Variants in FRMPD2 observed in about 807,000 individuals in gnomAD.
FRMPD2 encodes FERM and PDZ domain-containing protein 2.
A neutral mutation model predicts 140.1 loss-of-function variants in FRMPD2; 96 were observed. The ratio of observed to expected loss-of-function variants is 0.69; its 90% CI spans 0.58 to 0.81. FRMPD2 has a LOEUF of 0.81. Ranked by LOEUF, FRMPD2 falls within the 40% of genes least tolerant of loss-of-function variation. The pLI, the probability that FRMPD2 is intolerant of heterozygous loss-of-function variation, is 0.00. For missense variants in FRMPD2, 1,240 were observed against 1,447.4 expected (o/e 0.86, Z 2.32); for synonymous variants, 449 against 547.6 (o/e 0.82, Z 2.52).
chr10:48,238,989 C>CCTCTTTCT (rs1479892780), intron 7 of FRMPD2, among the ~76,000 whole-genome samples: 1 of 152,164 alleles, frequency 6.6e-6, no homozygotes, highest in Non-Finnish European at 1.5e-5. Context: ...TCCTCTCTCT[C>CCTCTTTCT]CTCTTTCTCT....
intron 9 of FRMPD2, among the ~76,000 whole-genome samples, chr10:48,233,427 A>G (rs1056245168): frequency 6.6e-6 from 1 of 152,190 alleles, no homozygotes; most frequent in Non-Finnish European, 1.5e-5. Context: ...ATCAATATCT[A>G]GTAAAGCTTC....
intron 28 of FRMPD2, chr10:48,159,274 C>T (rs1254567410): frequency 2.2e-6 from 1 of 454,810 alleles, no homozygotes; most frequent in East Asian, 7.0e-5. Context: ...AACGGACTGC[C>T]AGATTTGAAG....
chr10:48,204,104 T>C (rs1462814744), intron 14 of FRMPD2, among the ~76,000 whole-genome samples: 1 of 152,206 alleles, frequency 6.6e-6, no homozygotes, highest in Non-Finnish European at 1.5e-5. Flanking sequence ...AAATTGACCA[T>C]GCCCTATAAT....
intron 9 of FRMPD2, among the ~76,000 whole-genome samples, chr10:48,232,609 T>C (rs944422910): frequency 1.3e-5 from 2 of 152,262 alleles, no homozygotes; most frequent in South Asian, 4.1e-4. Context: ...CAGCTCTCCC[T>C]TGGGCTCTGC....
chr10:48,184,898 T>C lies in FRMPD2; in HGVS notation c.2360-17A>G. The C allele has an allele frequency of 1.3e-6, 2 of 1,565,114 alleles. No homozygotes were observed. The highest frequency in any genetic ancestry group is 2.2e-5 in the East Asian group (1 of 44,578). On this transcript the variant is annotated splice_polypyrimidine_tract_variant and intron_variant, in intron 18 of 28. Coordinates refer to ENST00000374201, the MANE Select transcript of FRMPD2 (RefSeq NM_001018071.4). ...TGACAAACCCTGTAATCCAAGATGA[T>C]AGTCCATGATAAGATGATACTTAGT...
chr10:48,233,453 G>A (rs917711559), intron 9 of FRMPD2, among the ~76,000 whole-genome samples: 6 of 152,230 alleles, frequency 3.9e-5, no homozygotes, highest in East Asian at 1.9e-4. Context: ...GTGATTTTGC[G>A]AGAGCCAGGA....
At chr10:48,250,384 C>T (rs887125756) in intron 2 of FRMPD2, among the ~76,000 whole-genome samples, 7 of 152,190 alleles carry the variant, frequency 4.6e-5, no homozygotes, top group African/African-American at 1.7e-4. Flanking sequence ...TTAGGAGACC[C>T]ACTAGCATTT....
chr10:48,207,684 C>T (rs1165472463), intron 13 of FRMPD2, among the ~76,000 whole-genome samples: 5 of 152,136 alleles, frequency 3.3e-5, no homozygotes, highest in Non-Finnish European at 7.4e-5. Context: ...AGGAAGACGC[C>T]AGTCCCCATC....
At chr10:48,242,402 T>C (rs1463961218) in intron 4 of FRMPD2, 50 bp from the exon 5 acceptor site, 1 of 1,533,972 alleles carries the variant, frequency 6.5e-7, no homozygotes, top group South Asian at 1.2e-5. Context: ...GAGCTGCCAC[T>C]ACGAGGCCAG....
intron 1 of FRMPD2, among the ~76,000 whole-genome samples, chr10:48,272,745 T>C (rs555684700): frequency 1.1e-4 from 17 of 152,220 alleles, no homozygotes; most frequent in Non-Finnish European, 2.2e-4. Context: ...GCGTCCATAG[T>C]TGTTACATTG....
At position 48,192,665 on chromosome 10, in the gene FRMPD2, A is replaced by G. The variant is rs1166912703; in HGVS notation, c.2165+19T>C. 9 of 1,607,728 alleles carry G rather than the reference A, an allele frequency of 5.6e-6. No individual in the cohort carries two copies. The highest frequency in any genetic ancestry group is 7.7e-6 in the Non-Finnish European group (9 of 1,174,786). On this transcript the variant is annotated intron_variant, in intron 16 of 28. Transcript: ENST00000374201. ...GCACATGGTGGTTTGGGCCCAGAGA[A>G]CAAATGTGTCACACCCACCTGCGCC...
intron 3 of FRMPD2, among the ~76,000 whole-genome samples, chr10:48,247,825 C>T (rs1488960064): frequency 6.6e-6 from 1 of 152,126 alleles, no homozygotes; most frequent in Non-Finnish European, 1.5e-5. Context: ...CCCAAACAGA[C>T]CTGAGAGGCA....
At chr10:48,228,584 G>A (rs978597632) in intron 10 of FRMPD2, among the ~76,000 whole-genome samples, 42 of 151,906 alleles carry the variant, frequency 2.8e-4, no homozygotes, top group African/African-American at 9.9e-4. Flanking sequence ...ATTTCTAGGT[G>A]TTATAAAATA....
intron 1 of FRMPD2, among the ~76,000 whole-genome samples, chr10:48,263,818 A>G (rs1300510983): frequency 1.3e-5 from 2 of 152,148 alleles, no homozygotes; most frequent in Non-Finnish European, 2.9e-5. Flanking sequence ...TTGTCCCAAT[A>G]CCAAAACCAG....
intron 15 of FRMPD2, among the ~76,000 whole-genome samples, chr10:48,193,134 C>T (rs1293135358): frequency 1.3e-5 from 2 of 152,240 alleles, no homozygotes; most frequent in Non-Finnish European, 2.9e-5. Flanking sequence ...CCCCTTGCAG[C>T]TGACAGGACG....
At chr10:48,248,980 G>A in intron 3 of FRMPD2, 41 bp downstream of exon 3, 1 of 1,536,956 alleles carries the variant, frequency 6.5e-7, no homozygotes, top group Non-Finnish European at 8.8e-7. Context: ...CCTTTCCCAG[G>A]GCACAGGACT....
intron 12 of FRMPD2, among the ~76,000 whole-genome samples, chr10:48,220,411 A>T (rs1230631555): frequency 6.6e-6 from 1 of 152,204 alleles, no homozygotes; most frequent in African/African-American, 2.4e-5. Flanking sequence ...CTGGATCCTC[A>T]TCTCTCACCT....
chr10:48,241,087 T>C (rs1003681322), intron 5 of FRMPD2, among the ~76,000 whole-genome samples: 2 of 152,174 alleles, frequency 1.3e-5, no homozygotes, highest in Non-Finnish European at 2.9e-5. Context: ...TCAGTATCTT[T>C]CAAATAAATA....
At position 48,187,187 on chromosome 10, in the gene FRMPD2, C is replaced by T. The variant is rs1255658801; in HGVS notation, c.2266+5G>A. ...CCCAAGACCTGGTCGTGGCCTGGCC[C>T]ATACCTGCATGCATGCTCTGAACAG... On this transcript the variant is annotated splice_donor_5th_base_variant and intron_variant, in intron 17 of 28. Transcript: ENST00000374201. 1.2e-6 allele frequency: 2 copies of T among 1,610,744 alleles called. No individual in the cohort carries two copies. Among genetic ancestry groups the T allele is most frequent in the Non-Finnish European group, 1.7e-6 (2 of 1,177,536 alleles).
Sources: allele counts gnomAD v4.1 joint callset (sites outside exome capture counted in the v4.1 genomes callset), GRCh38; gene constraint gnomAD v4.1.1; transcripts MANE v1.5; gene names NCBI Gene and HGNC (gene_info 2026-07-23, HGNC 2026-07-21).